TDRD12: variants seen among roughly 807,000 people sequenced by gnomAD.
TDRD12 encodes tudor domain containing 12, also known as putative ATP-dependent RNA helicase TDRD12.
In TDRD12, 158 loss-of-function variants were observed where a neutral mutation model predicts 133.5. That is an observed-to-expected ratio of 1.18 (90% CI 1.04 to 1.35). TDRD12 has a LOEUF of 1.35. Among genes scored for constraint, TDRD12 ranks in the 40% most tolerant of loss-of-function variants. The pLI is 0.00. For synonymous variants in TDRD12, 460 were observed against 477.9 expected, an observed-to-expected ratio of 0.96 and a Z score of 0.49; for missense variants, 1,443 against 1,321.3, an observed-to-expected ratio of 1.09 and a Z score of -1.43.
downstream of TDRD12, among the ~76,000 whole-genome samples, chr19:32,821,949 G>T (rs1967411538): frequency 1.3e-5 from 2 of 152,050 alleles, no homozygotes; most frequent in Admixed American, 1.3e-4. Context: ...ACTGAGTTAG[G>T]TGCCATAAAG....
At chr19:32,768,756 ACT>A (rs1469162305) in intron 8 of TDRD12, among the ~76,000 whole-genome samples, 1 of 151,768 alleles carries the variant, frequency 6.6e-6, no homozygotes, top group Admixed American at 6.6e-5. Flanking sequence ...GAGCCCTGTT[ACT>A]CTCATTGCAA....
At position 32,770,230 on chromosome 19, in the gene TDRD12, C is replaced by T. The variant is rs373019567; in HGVS notation, c.866-2523C>T. Among the ~76,000 whole-genome samples the T allele has an allele frequency of 3.4e-4, 51 of 152,220 alleles. No individual in the cohort carries two copies. In the East Asian group the frequency reaches 4.8e-3, roughly 14 times the overall value. On this transcript the variant is annotated intron_variant, in intron 8 of 27. Coordinates refer to ENST00000444215, the Ensembl canonical transcript of TDRD12. ...CCATGTTGGCTGGGCTGGTCTTGAA[C>T]TCCTGACCTCAAGTGATCCACCTGC...
At chr19:32,789,866 G>A (rs1255695975) in intron 11 of TDRD12, among the ~76,000 whole-genome samples, 1 of 152,132 alleles carries the variant, frequency 6.6e-6, no homozygotes, top group East Asian at 1.9e-4. Context: ...GCTGGGTGTG[G>A]TGGTGGATGC....
downstream of TDRD12, among the ~76,000 whole-genome samples, chr19:32,823,727 G>A (rs1203113480): frequency 6.6e-6 from 1 of 152,232 alleles, no homozygotes; most frequent in Non-Finnish European, 1.5e-5. Flanking sequence ...AAGACAGTTT[G>A]CAAGGCCAGC....
At chr19:32,736,429 C>T (rs77557819) in intron 2 of TDRD12, among the ~76,000 whole-genome samples, 4,219 of 152,272 alleles carry the variant, frequency 0.028, 94 homozygotes, top group South Asian at 0.12. Context: ...ATTGACAGTG[C>T]ACCTGGTCAC....
At chr19:32,765,914 GA>G (rs898918580) in intron 8 of TDRD12, among the ~76,000 whole-genome samples, 15 of 145,408 alleles carry the variant, frequency 1.0e-4, no homozygotes, top group African/African-American at 2.3e-4. Context: ...CAGAGCAGCT[GA>G]AAAAAAAAAG....
At chr19:32,827,863 G>C (rs1479674631) in exon 10 of TDRD12, 3 of 152,168 alleles carry the variant, frequency 2.0e-5, no homozygotes, top group African/African-American at 7.2e-5. Context: ...CCTGTCTGGC[G>C]CCTCTCGCCA....
At chr19:32,741,801 A>G (rs1969435405) in intron 3 of TDRD12, among the ~76,000 whole-genome samples, 1 of 152,178 alleles carries the variant, frequency 6.6e-6, no homozygotes, top group South Asian at 2.1e-4. Context: ...TAATCCCAGC[A>G]CTTTGGAAGG....
intron 22 of TDRD12, among the ~76,000 whole-genome samples, chr19:32,809,717 A>G (rs965325893): frequency 6.6e-6 from 1 of 152,202 alleles, no homozygotes; most frequent in African/African-American, 2.4e-5. Context: ...AGCTCTTAAT[A>G]AAATGCATCT....
Position 32,810,299 on chromosome 19 carries a change from T to C in TDRD12, c.2837+22T>C, listed in dbSNP as rs1966958001. The C allele has an allele frequency of 2.0e-6, 3 of 1,475,394 alleles. No homozygotes were observed. In the East Asian group the frequency reaches 7.5e-5, roughly 37 times the overall value. 91.4% of individuals were successfully genotyped at this position (1,475,394 alleles called of 1,614,324 possible). ...ACAGGTAACACATCTGTTTACTTCATCTGTAAAGTTTTGAAGCATGAGGTA... is the reference window on the plus strand; with the variant it reads ...ACAGGTAACACATCTGTTTACTTCACCTGTAAAGTTTTGAAGCATGAGGTA... On this transcript the variant is annotated intron_variant, in intron 23 of 27. Transcript: ENST00000444215.
chr19:32,742,855 C>T, exon 4 of TDRD12: 1 of 1,551,790 alleles, frequency 6.4e-7, no homozygotes, highest in Non-Finnish European at 8.7e-7. Context: ...TGCACAAAGC[C>T]TGTCACATTA....
At chr19:32,770,304 G>A (rs1970410466) in intron 8 of TDRD12, among the ~76,000 whole-genome samples, 1 of 151,968 alleles carries the variant, frequency 6.6e-6, no homozygotes, top group Non-Finnish European at 1.5e-5. Context: ...ACCACTCCTG[G>A]CCTCTTTTTG....
intron 8 of TDRD12, among the ~76,000 whole-genome samples, chr19:32,758,056 C>G (rs1319828838): frequency 6.6e-6 from 1 of 152,162 alleles, no homozygotes; most frequent in Admixed American, 6.5e-5. Context: ...TGGGCCTGGC[C>G]GCTGGAGGCT....
At chr19:32,791,129 T>C in intron 13 of TDRD12, 61 bp downstream of exon 13, 1 of 1,483,184 alleles carries the variant, frequency 6.7e-7, no homozygotes, top group South Asian at 1.3e-5. Context: ...TAGAGAAGGA[T>C]TTTGAAATAA....
chr19:32,744,449 A>C (rs1008480459), intron 4 of TDRD12, among the ~76,000 whole-genome samples: 1 of 144,266 alleles, frequency 6.9e-6, no homozygotes, highest in Non-Finnish European at 1.5e-5. Flanking sequence ...GCAGTGAGCC[A>C]AGATTGCGCC....
chr19:32,790,444 A>G (rs997461331), intron 11 of TDRD12, 87 bp from the exon 12 acceptor site: 15 of 1,321,198 alleles, frequency 1.1e-5, no homozygotes, highest in Non-Finnish European at 1.6e-5. Flanking sequence ...AGCCCCTGCT[A>G]TCTCTGTCAA....
At chr19:32,764,094 ATT>A (rs1203135781) in intron 8 of TDRD12, among the ~76,000 whole-genome samples, 2 of 104,188 alleles carry the variant, frequency 1.9e-5, no homozygotes, top group African/African-American at 7.4e-5. Flanking sequence ...TTTTACTTGT[ATT>A]GTCCATCTTT....
At chr19:32,747,352 T>A (rs963386683) in intron 4 of TDRD12, among the ~76,000 whole-genome samples, 1 of 152,258 alleles carries the variant, frequency 6.6e-6, no homozygotes, top group Non-Finnish European at 1.5e-5. Context: ...TGTAATTCTC[T>A]TGAATTGTTT....
chr19:32,781,687 T>TTCTCTCTC (rs35069423), intron 11 of TDRD12, among the ~76,000 whole-genome samples: 277 of 148,374 alleles, frequency 1.9e-3, no homozygotes, highest in African/African-American at 6.3e-3. Flanking sequence ...TCCTTTCCTT[T>TTCTCTCTC]TCTCTCTCTC....
Sources: gnomAD v4.1 joint callset for allele counts (sites outside exome capture counted in the v4.1 genomes callset) on GRCh38, gnomAD v4.1.1 for gene constraint, MANE v1.5 for transcripts, NCBI Gene and HGNC (gene_info 2026-07-23, HGNC 2026-07-21) for gene names.